The following CHST13 variants were observed in gnomAD, a reference collection of about 807,000 sequenced individuals.
The protein encoded by CHST13 is C4ST-3.
CHST13 carries 1 observed loss-of-function variant against 7.0 expected under a neutral mutation model. That is an observed-to-expected ratio of 0.14 (90% CI 0.05 to 0.68). CHST13 has a LOEUF of 0.68. Ranked by LOEUF, CHST13 falls within the 30% of genes least tolerant of loss-of-function variation. CHST13 has a pLI of 0.82. For missense variants in CHST13, 572 were observed against 507.9 expected (o/e 1.13, Z -1.21); for synonymous variants, 257 against 240.9 (o/e 1.07, Z -0.62).
intron 2 of CHST13, among the ~76,000 whole-genome samples, chr3:126,541,499 G>A (rs1936955340): frequency 1.3e-5 from 2 of 152,160 alleles, no homozygotes; most frequent in Admixed American, 6.5e-5. Flanking sequence ...TACCCAGCGC[G>A]TCCTTCTCCC....
At position 126,542,061 on chromosome 3, in the gene CHST13, T is replaced by C. The variant is rs770153640; in HGVS notation, c.509T>C (p.Phe170Ser). The change falls in exon 3 of 3, where the codon TTC becomes TCC. Residue 170 changes from phenylalanine to serine, a missense_variant. By Grantham distance (155) the Phe-to-Ser change is radical. Coordinates refer to ENST00000319340, the MANE Select transcript of CHST13 (RefSeq NM_152889.3). ...CGGCGCCTGCGCGCCTACTTGGCCTTCCTGTTCGTGCGGGAGCCCTTCGAG... is the reference window on the plus strand; with the variant it reads ...CGGCGCCTGCGCGCCTACTTGGCCTCCCTGTTCGTGCGGGAGCCCTTCGAG... ...INRRLRAYLA[F>S]LFVREPFERL... 1 of 1,581,834 alleles carries C rather than the reference T, an allele frequency of 6.3e-7. No homozygotes were observed. The highest frequency in any genetic ancestry group is 8.6e-7 in the Non-Finnish European group (1 of 1,168,166).
Position 126,542,767 on chromosome 3 carries a change from C to T in CHST13, c.*189C>T, listed in dbSNP as rs1936999775. 9.9e-6 allele frequency: 8 copies of T among 809,370 alleles called. No homozygotes were observed. The East Asian group carries it at 2.1e-4, about 21-fold the overall frequency. The allele number at this position is 809,370 out of a possible 1,614,324, so 50.1% of individuals were successfully genotyped here. On this transcript the variant is annotated 3_prime_UTR_variant, in exon 3 of 3. Coordinates refer to ENST00000319340, the MANE Select transcript of CHST13 (RefSeq NM_152889.3). Reference sequence around the variant, plus strand: ...GCAGCCCATCTCAGGTGGCCCTGCACGCGTGTGCCTGCCTCGGCCTGTCGC... The same window carrying T: ...GCAGCCCATCTCAGGTGGCCCTGCATGCGTGTGCCTGCCTCGGCCTGTCGC...
intron 1 of CHST13, among the ~76,000 whole-genome samples, chr3:126,533,377 T>C (rs1936698176): frequency 6.6e-6 from 1 of 152,210 alleles, no homozygotes; most frequent in South Asian, 2.1e-4. Context: ...ATGCCCTTTA[T>C]CAGTTTGGCA....
At position 126,542,479 on chromosome 3, in the gene CHST13, G is replaced by C. The variant is rs772828007; in HGVS notation, c.927G>C (p.Arg309=). The change falls in exon 3 of 3, where the codon CGG becomes CGC. Residue 309 remains arginine (R), a synonymous_variant. Coordinates refer to ENST00000319340, the MANE Select transcript of CHST13 (RefSeq NM_152889.3). ...ASRDLAARLF[R]DISPFYQRRL... ...GCGACCTGGCAGCGCGCCTCTTCCG[G>C]GACATCAGCCCCTTCTACCAGCGGC... 1.9e-5 allele frequency: 30 copies of C among 1,583,676 alleles called. No homozygotes were observed. In the Admixed American group the frequency reaches 5.4e-4, roughly 28 times the overall value.
At chr3:126,540,601 T>C (rs1936938070) in intron 2 of CHST13, among the ~76,000 whole-genome samples, 4 of 152,250 alleles carry the variant, frequency 2.6e-5, no homozygotes, top group Admixed American at 1.3e-4. Context: ...TTCCATTGCA[T>C]GGATGGCCGC....
chr3:126,541,998 T>C lies in CHST13; in HGVS notation c.446T>C (p.Leu149Pro), dbSNP rs2107573924. Residue 149 changes from leucine (L) to proline (P), a missense_variant, in exon 3 of 3, where the codon CTG becomes CCG. Coordinates refer to ENST00000319340, the MANE Select transcript of CHST13 (RefSeq NM_152889.3). ...CAAGAGGCGCACGCGCCTGGCCGCCTGCCCTCACTGGCCGACTTCAGCCCC... is the reference window on the plus strand; with the variant it reads ...CAAGAGGCGCACGCGCCTGGCCGCCCGCCCTCACTGGCCGACTTCAGCCCC... ...SAQEAHAPGR[L>P]PSLADFSPAE... is the part of the protein sequence containing the mutation. 1 of 1,561,048 alleles carries C rather than the reference T, an allele frequency of 6.4e-7. No homozygotes were observed. The highest frequency in any genetic ancestry group is 8.6e-7 in the Non-Finnish European group (1 of 1,158,252).
In CHST13 at chr3:126,541,984, C is replaced by A. The variant is rs1441864332; in HGVS notation, c.432C>A (p.His144Gln). Residue 144 changes from histidine (H) to glutamine (Q), a missense_variant, in exon 3 of 3, where the codon CAC becomes CAA. Physicochemically the swap from His to Gln is conservative, Grantham distance 24 (BLOSUM62 0). Transcript: ENST00000319340. ...GCGCCATCTCCGCGCAAGAGGCGCA[C>A]GCGCCTGGCCGCCTGCCCTCACTGG... ...DPRAISAQEA[H>Q]APGRLPSLAD... 16 of 1,564,210 alleles carry A rather than the reference C, an allele frequency of 1.0e-5. No individual in the cohort carries two copies. Among genetic ancestry groups the A allele is most frequent in the Non-Finnish European group, 1.3e-5 (15 of 1,159,956 alleles).
chr3:126,536,894 C>A (rs868713112), intron 2 of CHST13, among the ~76,000 whole-genome samples: 10 of 112,330 alleles, frequency 8.9e-5, no homozygotes, highest in Non-Finnish European at 1.3e-4. Context: ...CACACACACA[C>A]AAACACACAC....
At chr3:126,539,518 A>C (rs1182972935) in intron 2 of CHST13, among the ~76,000 whole-genome samples, 1 of 134,760 alleles carries the variant, frequency 7.4e-6, no homozygotes, top group Non-Finnish European at 1.6e-5. Context: ...CACCCCACAC[A>C]CCCCACACCA....
intron 2 of CHST13, among the ~76,000 whole-genome samples, chr3:126,540,092 C>G (rs1936925220): frequency 6.6e-6 from 1 of 151,594 alleles, no homozygotes; most frequent in Admixed American, 6.6e-5. Context: ...GTGCACCACA[C>G]ACGCACAGGA....
At chr3:126,531,985 A>G (rs193049841) in intron 1 of CHST13, among the ~76,000 whole-genome samples, 3 of 152,370 alleles carry the variant, frequency 2.0e-5, no homozygotes, top group African/African-American at 7.2e-5. Context: ...TTAAATAACC[A>G]TCCTCATGGT....
chr3:126,536,655 TAC>T (rs778332825), intron 2 of CHST13, among the ~76,000 whole-genome samples: 4 of 152,010 alleles, frequency 2.6e-5, no homozygotes, highest in African/African-American at 4.8e-5. Context: ...TCAGGAAGTT[TAC>T]AGTCTCGTGG....
Position 126,541,932 on chromosome 3 carries a change from T to G in CHST13, c.380T>G (p.Leu127Arg), listed in dbSNP as rs1039361311. ...AACTGGAAGCGCGTGCTGCTGGCGCTGAGCGGCCAAGCCCGCGGCGACCCG... is the reference window on the plus strand; with the variant it reads ...AACTGGAAGCGCGTGCTGCTGGCGCGGAGCGGCCAAGCCCGCGGCGACCCG... Reference protein sequence around the residue: ...CTNWKRVLLALSGQARGDPRA... With the variant: ...CTNWKRVLLARSGQARGDPRA... The change falls in exon 3 of 3, where the codon CTG becomes CGG. Residue 127 changes from leucine (L) to arginine (R), a missense_variant. Transcript: ENST00000319340. 6.3e-7 allele frequency: 1 copy of G among 1,593,896 alleles called. No homozygotes were observed. The highest frequency in any genetic ancestry group is 1.4e-5 in the African/African-American group (1 of 73,160).
intron 1 of CHST13, among the ~76,000 whole-genome samples, chr3:126,524,733 G>T (rs1296229646): frequency 6.6e-6 from 1 of 152,144 alleles, no homozygotes; most frequent in Non-Finnish European, 1.5e-5. Context: ...TGGCCAATCC[G>T]GGAAGGCCAT....
intron 1 of CHST13, among the ~76,000 whole-genome samples, chr3:126,536,001 C>A (rs892266368): frequency 6.6e-6 from 1 of 152,176 alleles, no homozygotes; most frequent in Non-Finnish European, 1.5e-5. Context: ...TATCACCTTC[C>A]CACTTGTCCC....
rs547475646 is a variant in CHST13 at position 126,524,374 on chromosome 3, C to T, written c.42C>T (p.Ala14=). 8.9e-6 allele frequency: 11 copies of T among 1,236,530 alleles called. No individual in the cohort carries two copies. In the South Asian group the frequency reaches 2.8e-4, roughly 31 times the overall value. 76.6% of individuals were successfully genotyped at this position (1,236,530 alleles called of 1,614,324 possible). A position where few individuals can be genotyped will look rare whatever the true frequency, so the allele number is the denominator to read the frequency against. The change falls in exon 1 of 3, where the codon GCC becomes GCT. Residue 14 remains alanine, a synonymous_variant. Coordinates refer to ENST00000319340, the MANE Select transcript of CHST13 (RefSeq NM_152889.3). ...RCCRRRVLAA[A]CLGAALLLLC... ...GCCGGCGGCGCGTGCTGGCGGCCGC[C>T]TGTCTGGGCGCCGCGCTCCTGCTCC...
At position 126,542,668 on chromosome 3, in the gene CHST13, C is replaced by T. The variant is rs1936994829; in HGVS notation, c.*90C>T. 1.5e-6 allele frequency: 2 copies of T among 1,379,312 alleles called. No homozygotes were observed. Among genetic ancestry groups the T allele is most frequent in the East Asian group, 6.2e-5 (2 of 32,438 alleles). The allele number at this position is 1,379,312 out of a possible 1,614,324, so 85.4% of individuals were successfully genotyped here. ...AGGTGCTGCCGGCCCCAGGACCCCT[C>T]TTCAAGAGCCACTGCGTGCACTCAC... On this transcript the variant is annotated 3_prime_UTR_variant, in exon 3 of 3. Coordinates refer to ENST00000319340, the MANE Select transcript of CHST13 (RefSeq NM_152889.3).
At chr3:126,538,289 C>T (rs1936841942) in intron 2 of CHST13, among the ~76,000 whole-genome samples, 1 of 152,246 alleles carries the variant, frequency 6.6e-6, no homozygotes, top group Admixed American at 6.5e-5. Flanking sequence ...GAGCTGGCCT[C>T]CTGACTATAA....
Position 126,542,672 on chromosome 3 carries a change from A to C in CHST13, c.*94A>C. The C allele has an allele frequency of 7.3e-7, 1 of 1,371,936 alleles. No homozygotes were observed. The highest frequency in any genetic ancestry group is 9.4e-7 in the Non-Finnish European group (1 of 1,061,674). 85.0% of individuals were successfully genotyped at this position (1,371,936 alleles called of 1,614,324 possible). A position where few individuals can be genotyped will look rare whatever the true frequency, so the allele number is the denominator to read the frequency against. On this transcript the variant is annotated 3_prime_UTR_variant, in exon 3 of 3. Transcript: ENST00000319340. ...GCTGCCGGCCCCAGGACCCCTCTTC[A>C]AGAGCCACTGCGTGCACTCACCTGG...
Sources: gnomAD v4.1 joint callset for allele counts (sites outside exome capture counted in the v4.1 genomes callset) on GRCh38, gnomAD v4.1.1 for gene constraint, MANE v1.5 for transcripts, NCBI Gene and HGNC (gene_info 2026-07-23, HGNC 2026-07-21) for gene names.